Variants in TYK2 observed in about 807,000 individuals in gnomAD.
TYK2 encodes tyrosine kinase 2.
In TYK2, 65 loss-of-function variants were observed where a neutral mutation model predicts 130.9. The observed-to-expected ratio is 0.50, with a 90% confidence interval of 0.41 to 0.61. The LOEUF (loss-of-function observed/expected upper bound fraction) is 0.61, where lower values mean the gene tolerates loss of function less well. Among genes scored for constraint, TYK2 ranks in the 20% least tolerant of loss-of-function variants. The pLI is 0.00. For missense variants in TYK2, 1,378 were observed against 1,610.7 expected, an observed-to-expected ratio of 0.86 and a Z score of 2.47; for synonymous variants, 647 against 658.9, an observed-to-expected ratio of 0.98 and a Z score of 0.28.
At chr19:10,378,857 C>T (rs1167456256) in intron 2 of TYK2, among the ~76,000 whole-genome samples, 1 of 151,356 alleles carries the variant, frequency 6.6e-6, no homozygotes, top group African/African-American at 2.4e-5. Flanking sequence ...CTTATCTTAT[C>T]TTATCTTATC....
Position 10,361,419 on chromosome 19 carries a change from G to T in TYK2, c.2047+92C>A. ...AGTTGAGAAATAGGCATAGGTTGGG[G>T]TGTAGGTCGAGGGTTGGGGTACAGA... On this transcript the variant is annotated intron_variant, in intron 14 of 24. Transcript: ENST00000525621. This position sits in a 1 kb window ranked among gnomAD's most constrained non-coding sequence, Gnocchi z 4.0. 3 of 1,236,488 alleles carry T rather than the reference G, an allele frequency of 2.4e-6. No individual in the cohort carries two copies. Among genetic ancestry groups the T allele is most frequent in the South Asian group, 2.6e-5 (2 of 77,966 alleles). 76.6% of individuals were successfully genotyped at this position (1,236,488 alleles called of 1,614,324 possible). A position where few individuals can be genotyped will look rare whatever the true frequency, so the allele number is the denominator to read the frequency against.
Position 10,357,811 on chromosome 19 carries a change from T to A in TYK2, c.2419A>T (p.Ile807Phe), listed in dbSNP as rs567907124. The change falls in exon 17 of 25, where the codon ATC becomes TTC. Residue 807 changes from isoleucine to phenylalanine, a missense_variant. Coordinates refer to ENST00000525621, the MANE Select transcript of TYK2 (RefSeq NM_003331.5). ...AGAGGGGCCTCTCCGTCAAAGCAGA[T>A]CTCCAGGAGGGTGGCGCCAAACCCC... ...KWGFGATLLE[I>F]CFDGEAPLQS... 6.2e-7 allele frequency: 1 copy of A among 1,613,458 alleles called. No individual in the cohort carries two copies. Among genetic ancestry groups the A allele is most frequent in the Non-Finnish European group, 8.5e-7 (1 of 1,179,906 alleles).
intron 3 of TYK2, among the ~76,000 whole-genome samples, chr19:10,371,895 C>T (rs1373482831): frequency 6.6e-6 from 1 of 152,156 alleles, no homozygotes; most frequent in African/African-American, 2.4e-5. Flanking sequence ...TAAACATTCT[C>T]ATAAGTGTCC....
At position 10,354,082 on chromosome 19, in the gene TYK2, G is replaced by A; in HGVS notation, c.2868C>T (p.His956=). 2 of 1,614,098 alleles carry A rather than the reference G, an allele frequency of 1.2e-6. No homozygotes were observed. Among genetic ancestry groups the A allele is most frequent in the South Asian group, 1.1e-5 (1 of 91,086 alleles). Residue 956 remains histidine (H), a synonymous_variant, in exon 20 of 25, where the codon CAC becomes CAT. Coordinates refer to ENST00000525621, the MANE Select transcript of TYK2 (RefSeq NM_003331.5). ...AGCCCTTGTACTTGATGATGTGCTCGTGGTAGAGCGTGCGCAGAATGTCAA... is the reference window on the plus strand; with the variant it reads ...AGCCCTTGTACTTGATGATGTGCTCATGGTAGAGCGTGCGCAGAATGTCAA... The part of the protein sequence containing the change: ...QEIDILRTLY[H]EHIIKYKGCC...
At chr19:10,354,738 A>G in intron 18 of TYK2, 129 bp from the exon 19 acceptor site, 1 of 748,998 alleles carries the variant, frequency 1.3e-6, no homozygotes, top group Admixed American at 2.0e-5. Context: ...TTTTTCCTGC[A>G]ACAGCTGAAA....
At position 10,362,188 on chromosome 19, in the gene TYK2, G is replaced by A; in HGVS notation, c.1670-7C>T. On this transcript the variant is annotated splice_polypyrimidine_tract_variant and splice_region_variant and intron_variant, in intron 11 of 24. Transcript: ENST00000525621. Reference sequence around the variant, plus strand: ...ATGATGAGATTGGAGGTTTCTGGGGGCAGGCATCAAGTCATGGAGGGCGGG... The same window carrying A: ...ATGATGAGATTGGAGGTTTCTGGGGACAGGCATCAAGTCATGGAGGGCGGG... 2 of 1,613,934 alleles carry A rather than the reference G, an allele frequency of 1.2e-6. No individual in the cohort carries two copies. The highest frequency in any genetic ancestry group is 1.7e-6 in the Non-Finnish European group (2 of 1,179,970).
At chr19:10,374,382 G>A (rs1389727455) in intron 3 of TYK2, among the ~76,000 whole-genome samples, 6 of 151,560 alleles carry the variant, frequency 4.0e-5, no homozygotes, top group Non-Finnish European at 8.8e-5. Flanking sequence ...TCAGGAGTTC[G>A]AGACCAGCCT....
rs56334302 is a variant in TYK2 at position 10,354,238 on chromosome 19, G to C, written c.2716-4C>G. ...AGCTGACCTTGCCGAAGTGACCCTG[G>C]TCGGGAGCGCACGAGGGTCAGCTCC... On this transcript the variant is annotated splice_region_variant and splice_polypyrimidine_tract_variant and intron_variant, in intron 19 of 24. Transcript: ENST00000525621. The C allele has an allele frequency of 3.6e-4, 588 of 1,611,070 alleles. 3 individuals carry two copies. In the East Asian group the frequency reaches 0.01, roughly 28 times the overall value.
At chr19:10,359,076 A>C in intron 15 of TYK2, 99 bp downstream of exon 15, 2 of 1,503,978 alleles carry the variant, frequency 1.3e-6, no homozygotes, top group Non-Finnish European at 1.8e-6. Flanking sequence ...CAAAACAAAC[A>C]AAAAAGATGG....
chr19:10,361,202 G>T lies in TYK2; in HGVS notation c.2047+309C>A. 1 of 560,768 alleles carries T rather than the reference G, an allele frequency of 1.8e-6. No individual in the cohort carries two copies. The highest frequency in any genetic ancestry group is 3.3e-6 in the Non-Finnish European group (1 of 305,068). The allele number at this position is 560,768 out of a possible 1,614,324, so 34.7% of individuals were successfully genotyped here. A position where few individuals can be genotyped will look rare whatever the true frequency, so the allele number is the denominator to read the frequency against. ...AGTGCTGATGGGGCCAGGAGCAGAT[G>T]GGGGCTGGACTGTAGAGGTTGTTTG... On this transcript the variant is annotated intron_variant, in intron 14 of 24. Transcript: ENST00000525621. The surrounding 1 kb of genome is among the most constrained non-coding windows in gnomAD (Gnocchi z 4.0).
chr19:10,352,654 A>G, intron 22 of TYK2, 103 bp from the exon 23 acceptor site: 1 of 745,278 alleles, frequency 1.3e-6, no homozygotes. Flanking sequence ...CTCTGGGCTC[A>G]GTTGGGACCC....
chr19:10,375,621 A>G (rs185297710), intron 3 of TYK2, among the ~76,000 whole-genome samples: 1 of 151,648 alleles, frequency 6.6e-6, no homozygotes, highest in African/African-American at 2.4e-5. Context: ...TATGTCATTA[A>G]AAAAAGAAAA....
chr19:10,370,954 A>G (rs1013117375), intron 3 of TYK2, among the ~76,000 whole-genome samples: 14 of 152,048 alleles, frequency 9.2e-5, no homozygotes, highest in Non-Finnish European at 1.8e-4. Context: ...CCTAAGCAAC[A>G]TAGTGAGACC....
At chr19:10,357,270 TC>T in intron 17 of TYK2, 2 of 554,228 alleles carry the variant, frequency 3.6e-6, no homozygotes, top group Non-Finnish European at 6.5e-6. Context: ...GTGCCTGTAA[TC>T]CCCCCTACTC....
chr19:10,362,670 C>T lies in TYK2; in HGVS notation c.1368-13G>A, dbSNP rs1297095566. ...CACAAATGGCTCCCTGGAAGGTGGT[C>T]CAGGGGGACTATCAGGCCACCTGGG... On this transcript the variant is annotated splice_polypyrimidine_tract_variant and intron_variant, in intron 9 of 24. Coordinates refer to ENST00000525621, the MANE Select transcript of TYK2 (RefSeq NM_003331.5). 2 of 1,550,534 alleles carry T rather than the reference C, an allele frequency of 1.3e-6. No homozygotes were observed. Among genetic ancestry groups the T allele is most frequent in the Non-Finnish European group, 1.7e-6 (2 of 1,146,520 alleles).
Position 10,362,538 on chromosome 19 carries a change from C to T in TYK2, c.1476+11G>A. ...TCCAGCCCCAGCCCCAGCCCCCAGC[C>T]CTGGGCTCACCTGGCTACGCTGGGC... On this transcript the variant is annotated intron_variant, in intron 10 of 24. Transcript: ENST00000525621. 1 of 1,554,870 alleles carries T rather than the reference C, an allele frequency of 6.4e-7. No individual in the cohort carries two copies. The highest frequency in any genetic ancestry group is 8.7e-7 in the Non-Finnish European group (1 of 1,148,836).
intron 3 of TYK2, among the ~76,000 whole-genome samples, chr19:10,377,400 G>GTGGATGGATGGATGGATGGA (rs766675211): frequency 3.8e-5 from 4 of 105,342 alleles, no homozygotes; most frequent in African/African-American, 1.6e-4. Flanking sequence ...GGGTGGGTGG[G>GTGGATGGATGGATGGATGGA]TGGATGGATG....
At chr19:10,358,200 C>G in intron 15 of TYK2, 62 bp from the exon 16 acceptor site, 2 of 1,533,234 alleles carry the variant, frequency 1.3e-6, no homozygotes, top group South Asian at 1.2e-5. Context: ...AACCCCAAAC[C>G]TGGTCCCCAT....
Position 10,362,026 on chromosome 19 carries a change from C to T in TYK2, c.1773+52G>A, listed in dbSNP as rs2041430511. ...AGCTGATCTCCCAGGGCCCCCAGCACCCACATCCCCAGGGGCCCTGCCCTT... is the reference window on the plus strand; with the variant it reads ...AGCTGATCTCCCAGGGCCCCCAGCATCCACATCCCCAGGGGCCCTGCCCTT... On this transcript the variant is annotated intron_variant, in intron 12 of 24. Transcript: ENST00000525621. The T allele has an allele frequency of 2.5e-6, 4 of 1,612,626 alleles. No homozygotes were observed. In the African/African-American group the frequency reaches 4.0e-5, roughly 16 times the overall value.
Sources: gnomAD v4.1 joint callset for allele counts (sites outside exome capture counted in the v4.1 genomes callset) on GRCh38, gnomAD v4.1.1 for gene constraint, Gnocchi (gnomAD v3.1) non-coding constraint, MANE v1.5 for transcripts, NCBI Gene and HGNC (gene_info 2026-07-23, HGNC 2026-07-21) for gene names.